Variants in TOX observed in about 807,000 individuals in gnomAD.
The protein encoded by TOX is thymocyte selection associated high mobility group box.
TOX carries 11 observed loss-of-function variants against 53.7 expected under a neutral mutation model. That is an observed-to-expected ratio of 0.20 (90% CI 0.13 to 0.34). The LOEUF (loss-of-function observed/expected upper bound fraction) is 0.34. TOX is among the 10% of genes least tolerant of loss of function. TOX has a pLI of 1.00. For missense variants in TOX, 570 were observed against 664.6 expected (o/e 0.86, Z 1.56); for synonymous variants, 225 against 245.3 (o/e 0.92, Z 0.77).
At chr8:58,986,548 T>C (rs147685146) in intron 1 of TOX, among the ~76,000 whole-genome samples, 267 of 152,366 alleles carry the variant, frequency 1.8e-3, no homozygotes, top group African/African-American at 6.1e-3. Context: ...ATGTATCCTA[T>C]TTTATTTCTT....
intron 2 of TOX, among the ~76,000 whole-genome samples, chr8:58,942,544 A>G (rs940847019): frequency 3.3e-5 from 5 of 152,170 alleles, no homozygotes; most frequent in African/African-American, 9.7e-5. Flanking sequence ...ATAAAAGTAT[A>G]GTGGTAATTG....
intron 3 of TOX, among the ~76,000 whole-genome samples, chr8:58,865,455 A>G (rs1208700140): frequency 6.6e-6 from 1 of 151,908 alleles, no homozygotes; most frequent in Non-Finnish European, 1.5e-5. Flanking sequence ...CTTGTTGAAA[A>G]CTGTTCTAGA....
chr8:58,973,332 T>C (rs577519025), intron 1 of TOX, among the ~76,000 whole-genome samples: 15 of 151,882 alleles, frequency 9.9e-5, no homozygotes, highest in South Asian at 6.3e-4. Flanking sequence ...CAAAAGCTAA[T>C]GTGGTTTCTC....
chr8:58,838,918 T>G (rs766350732), intron 4 of TOX, among the ~76,000 whole-genome samples: 2 of 152,066 alleles, frequency 1.3e-5, no homozygotes, highest in Non-Finnish European at 2.9e-5. Context: ...GCCAGGATGG[T>G]CTCGATCTCC....
chr8:59,100,212 T>A (rs1563446527), intron 1 of TOX, among the ~76,000 whole-genome samples: 1 of 152,224 alleles, frequency 6.6e-6, no homozygotes, highest in Non-Finnish European at 1.5e-5. Context: ...TTTTCATTTT[T>A]TTCTCTTTGA....
chr8:59,100,187 A>G (rs143395174), intron 1 of TOX, among the ~76,000 whole-genome samples: 2 of 152,348 alleles, frequency 1.3e-5, no homozygotes, highest in South Asian at 2.1e-4. Flanking sequence ...CAAACACACT[A>G]TTAATAATGT....
intron 1 of TOX, among the ~76,000 whole-genome samples, chr8:59,028,777 C>G (rs1371441840): frequency 6.6e-6 from 1 of 152,116 alleles, no homozygotes; most frequent in East Asian, 1.9e-4. Context: ...TTAATATGAA[C>G]AAAGTCTGCT....
intron 1 of TOX, among the ~76,000 whole-genome samples, chr8:59,085,297 C>T (rs1193205168): frequency 1.3e-5 from 2 of 152,204 alleles, no homozygotes; most frequent in Non-Finnish European, 2.9e-5. Context: ...AGTTCATCTA[C>T]ATTAACTATT....
At chr8:58,951,573 T>C (rs947340816) in intron 2 of TOX, among the ~76,000 whole-genome samples, 1 of 152,016 alleles carries the variant, frequency 6.6e-6, no homozygotes, top group Admixed American at 6.6e-5. Flanking sequence ...ATCCCTATTT[T>C]CCCCCACTCC....
At chr8:59,086,976 A>T (rs1804523146) in intron 1 of TOX, among the ~76,000 whole-genome samples, 1 of 152,238 alleles carries the variant, frequency 6.6e-6, no homozygotes, top group Non-Finnish European at 1.5e-5. Flanking sequence ...ATGGAGAAAG[A>T]AAGATTATAT....
At chr8:59,049,541 G>T (rs867902282) in intron 1 of TOX, among the ~76,000 whole-genome samples, 2 of 151,168 alleles carry the variant, frequency 1.3e-5, no homozygotes, top group African/African-American at 4.9e-5. Context: ...ATTTTTTTTC[G>T]AACATTCTTC....
At chr8:58,940,072 T>C (rs2129176554) in intron 2 of TOX, among the ~76,000 whole-genome samples, 1 of 152,336 alleles carries the variant, frequency 6.6e-6, no homozygotes, top group East Asian at 1.9e-4. Context: ...CATAAAAGTG[T>C]AGTTCCACTG....
intron 5 of TOX, among the ~76,000 whole-genome samples, chr8:58,836,158 G>C (rs1810542094): frequency 6.6e-6 from 1 of 152,178 alleles, no homozygotes; most frequent in Non-Finnish European, 1.5e-5. Context: ...GGCGTCATGG[G>C]TGGAGCAGGG....
intron 2 of TOX, among the ~76,000 whole-genome samples, chr8:58,954,405 C>A (rs551405587): frequency 1.3e-5 from 2 of 152,246 alleles, no homozygotes; most frequent in Admixed American, 1.3e-4. Flanking sequence ...TATCTTTCAA[C>A]AAACAATGCA....
chr8:58,968,308 G>A (rs1049876964), intron 1 of TOX, among the ~76,000 whole-genome samples: 2 of 152,192 alleles, frequency 1.3e-5, no homozygotes, highest in African/African-American at 2.4e-5. Flanking sequence ...AGAAAATGAG[G>A]AGCAAAGACT....
chr8:58,922,654 C>G (rs1812092930), intron 3 of TOX, among the ~76,000 whole-genome samples: 1 of 152,212 alleles, frequency 6.6e-6, no homozygotes, highest in African/African-American at 2.4e-5. Context: ...CAGGATTAGG[C>G]AGCCAAGACC....
In TOX at chr8:58,851,457, C is replaced by G; in HGVS notation, c.693+67G>C. On this transcript the variant is annotated intron_variant, in intron 4 of 8. Coordinates refer to ENST00000361421, the MANE Select transcript of TOX (RefSeq NM_014729.3). This position sits in a 1 kb window ranked among gnomAD's most constrained non-coding sequence, Gnocchi z 4.4. ...TCGCATGGATGATATAAACTTGTACCCAGCACAGGTCAAAGAAGGTGCCTA... is the reference window on the plus strand; with the variant it reads ...TCGCATGGATGATATAAACTTGTACGCAGCACAGGTCAAAGAAGGTGCCTA... 6.4e-7 allele frequency: 1 copy of G among 1,556,954 alleles called. No individual in the cohort carries two copies. The highest frequency in any genetic ancestry group is 1.2e-5 in the South Asian group (1 of 84,910).
At chr8:58,847,677 T>C (rs1342831504) in intron 4 of TOX, among the ~76,000 whole-genome samples, 1 of 151,984 alleles carries the variant, frequency 6.6e-6, no homozygotes, top group East Asian at 1.9e-4. Flanking sequence ...ACAATCGGAA[T>C]GCATGCAAAG....
At chr8:58,866,535 T>C (rs1811105141) in intron 3 of TOX, among the ~76,000 whole-genome samples, 1 of 152,250 alleles carries the variant, frequency 6.6e-6, no homozygotes, top group Admixed American at 6.5e-5. Context: ...ATCCTTTTCT[T>C]AACCAATGCC....
Sources: gnomAD v4.1 joint callset for allele counts (sites outside exome capture counted in the v4.1 genomes callset) on GRCh38, gnomAD v4.1.1 for gene constraint, Gnocchi (gnomAD v3.1) non-coding constraint, MANE v1.5 for transcripts, NCBI Gene and HGNC (gene_info 2026-07-23, HGNC 2026-07-21) for gene names.